The following NADSYN1 variants were observed in gnomAD, a reference collection of about 807,000 sequenced individuals.
NADSYN1 encodes the protein glutamine-dependent NAD(+) synthetase.
In NADSYN1, 80 loss-of-function variants were observed where a neutral mutation model predicts 99.3. That is an observed-to-expected ratio of 0.81 (90% CI 0.67 to 0.97). The LOEUF (loss-of-function observed/expected upper bound fraction) is 0.97. Ranked by LOEUF, NADSYN1 falls within the 50% of genes least tolerant of loss-of-function variation. The probability of loss-of-function intolerance (pLI) is 0.00; values close to 1 mark genes in which losing one functional copy is unlikely to be tolerated. For synonymous variants in NADSYN1, 385 were observed against 372.1 expected (o/e 1.03, Z -0.40); for missense variants, 859 against 948.5 (o/e 0.91, Z 1.24).
intron 3 of NADSYN1, among the ~76,000 whole-genome samples, chr11:71,462,258 C>T (rs1949555765): frequency 1.3e-5 from 2 of 152,214 alleles, no homozygotes; most frequent in African/African-American, 2.4e-5. Flanking sequence ...GAAACATTTA[C>T]AGTCTGTTCT....
chr11:71,498,312 G>A, intron 19 of NADSYN1, 40 bp from the exon 20 acceptor site: 1 of 1,610,304 alleles, frequency 6.2e-7, no homozygotes, highest in South Asian at 1.1e-5. Flanking sequence ...GGTCTCTCCA[G>A]TTTTGGTAAC....
intron 10 of NADSYN1, 155 bp downstream of exon 10, chr11:71,478,624 C>T (rs1371210460): frequency 8.7e-5 from 58 of 670,482 alleles, no homozygotes; most frequent in East Asian, 2.5e-4. Context: ...GGGCTGGTGC[C>T]GCAGACAGAA....
chr11:71,472,521 C>T (rs1330951639), intron 6 of NADSYN1, 21 bp downstream of exon 6: 1 of 1,608,700 alleles, frequency 6.2e-7, no homozygotes, highest in South Asian at 1.1e-5. Context: ...GGGTGTGGAG[C>T]CCGTTTTTCA....
At chr11:71,467,117 T>G (rs1429797729) in intron 5 of NADSYN1, among the ~76,000 whole-genome samples, 1 of 151,968 alleles carries the variant, frequency 6.6e-6, no homozygotes, top group Non-Finnish European at 1.5e-5. Flanking sequence ...TGGTGCTTGG[T>G]GGAGGGGGAG....
At chr11:71,496,350 G>A (rs1949818507) in intron 18 of NADSYN1, 1 of 152,320 alleles carries the variant, frequency 6.6e-6, no homozygotes, top group South Asian at 2.1e-4. Context: ...GGTTGGAGAT[G>A]GCTTTGGGTT....
At chr11:71,490,820 G>A (rs372240261) in intron 16 of NADSYN1, 25 bp from the exon 17 acceptor site, 133 of 1,612,918 alleles carry the variant, frequency 8.2e-5, no homozygotes, top group Non-Finnish European at 1.0e-4. Flanking sequence ...TTGGGAACCC[G>A]CGCTCTTTCT....
intron 18 of NADSYN1, among the ~76,000 whole-genome samples, chr11:71,494,649 C>T (rs1949807892): frequency 1.3e-5 from 2 of 152,106 alleles, no homozygotes; most frequent in Admixed American, 1.3e-4. Context: ...CTCCCGGGTT[C>T]AAGCAAGCAA....
At chr11:71,486,016 A>G (rs1267892466) in intron 16 of NADSYN1, among the ~76,000 whole-genome samples, 1 of 152,078 alleles carries the variant, frequency 6.6e-6, no homozygotes, top group African/African-American at 2.4e-5. Context: ...TTCATTTTTT[A>G]TGTGGACTGA....
chr11:71,491,964 T>A, intron 18 of NADSYN1, 61 bp downstream of exon 18: 1 of 1,481,458 alleles, frequency 6.8e-7, no homozygotes, highest in Non-Finnish European at 9.3e-7. Context: ...TGTGTGGTGG[T>A]GCTGGCTCTT....
chr11:71,477,867 C>G (rs898160401), intron 9 of NADSYN1, among the ~76,000 whole-genome samples: 1 of 152,264 alleles, frequency 6.6e-6, no homozygotes, highest in African/African-American at 2.4e-5. Flanking sequence ...TGCCTCTCCT[C>G]GTGGGCATGG....
In NADSYN1 at chr11:71,458,456, G is replaced by A; in HGVS notation, c.175G>A (p.Glu59Lys). The change falls in exon 3 of 21, where the codon GAG becomes AAG. Residue 59 changes from glutamate (E) to lysine (K), a missense_variant. Coordinates refer to ENST00000319023, the MANE Select transcript of NADSYN1 (RefSeq NM_018161.5). ...CGYGCWDHYY[E>K]SDTLLHSFQV... is the part of the protein sequence containing the mutation. Reference sequence around the variant, plus strand: ...CTACGGATGTTGGGATCATTATTACGAGTCGGACACCCTCTTGCACTCGTT... The same window carrying A: ...CTACGGATGTTGGGATCATTATTACAAGTCGGACACCCTCTTGCACTCGTT... 1.2e-6 allele frequency: 2 copies of A among 1,613,956 alleles called. No individual in the cohort carries two copies. Among genetic ancestry groups the A allele is most frequent in the East Asian group, 2.2e-5 (1 of 44,880 alleles).
intron 18 of NADSYN1, among the ~76,000 whole-genome samples, chr11:71,495,530 T>A (rs977252708): frequency 1.3e-5 from 2 of 152,230 alleles, no homozygotes; most frequent in Non-Finnish European, 2.9e-5. Flanking sequence ...GTGTGCCAGG[T>A]CTCCCTGGTT....
intron 12 of NADSYN1, 130 bp from the exon 13 acceptor site, chr11:71,481,793 A>G: frequency 1.4e-6 from 1 of 719,328 alleles, no homozygotes; most frequent in Non-Finnish European, 2.3e-6. Context: ...TCCTGACCCC[A>G]TGGAAAGTGC....
intron 16 of NADSYN1, among the ~76,000 whole-genome samples, chr11:71,488,409 G>A (rs999766372): frequency 6.6e-6 from 1 of 152,110 alleles, no homozygotes; most frequent in African/African-American, 2.4e-5. Flanking sequence ...GGTGGGTGGA[G>A]AAGAGCCCGT....
In NADSYN1 at chr11:71,498,382, A is replaced by G. The variant is rs778310802; in HGVS notation, c.1924A>G (p.Lys642Glu). Residue 642 changes from lysine (K) to glutamate (E), a missense_variant, in exon 20 of 21, where the codon AAG becomes GAG. Coordinates refer to ENST00000319023, the MANE Select transcript of NADSYN1 (RefSeq NM_018161.5). ...VADKVKRFFSKYSMNRHKMTT... is the reference protein window; with the variant it reads ...VADKVKRFFSEYSMNRHKMTT... The stretch of plus-strand genomic sequence containing the variant: ...TGACAAAGTGAAGCGGTTTTTCTCC[A>G]AGTACTCCATGAACAGACACAAGAT... 9 of 1,614,198 alleles carry G rather than the reference A, an allele frequency of 5.6e-6. No homozygotes were observed. The South Asian group carries it at 8.8e-5, about 16-fold the overall frequency.
At chr11:71,487,286 G>T (rs1949748848) in intron 16 of NADSYN1, among the ~76,000 whole-genome samples, 1 of 152,106 alleles carries the variant, frequency 6.6e-6, no homozygotes, top group South Asian at 2.1e-4. Flanking sequence ...TGATTTTTCA[G>T]GAGGGGTGTG....
At chr11:71,487,115 G>A (rs1008191012) in intron 16 of NADSYN1, among the ~76,000 whole-genome samples, 2 of 152,174 alleles carry the variant, frequency 1.3e-5, no homozygotes, top group African/African-American at 4.8e-5. Context: ...GTCTGCAGAT[G>A]TGTTCTCTTT....
chr11:71,471,530 C>T (rs149712205), intron 5 of NADSYN1, among the ~76,000 whole-genome samples: 1 of 152,240 alleles, frequency 6.6e-6, no homozygotes, highest in East Asian at 1.9e-4. Context: ...GGTCTTTGTT[C>T]CGGTGTCCAG....
intron 4 of NADSYN1, 114 bp from the exon 5 acceptor site, chr11:71,463,939 A>G (rs1476688481): frequency 4.6e-6 from 4 of 875,166 alleles, no homozygotes; most frequent in Admixed American, 4.6e-5. Context: ...TCGGGGCCCC[A>G]TTCTCAAGCT....
Sources: gnomAD v4.1 joint callset for allele counts (sites outside exome capture counted in the v4.1 genomes callset) on GRCh38, gnomAD v4.1.1 for gene constraint, MANE v1.5 for transcripts, NCBI Gene and HGNC (gene_info 2026-07-23, HGNC 2026-07-21) for gene names.